Variants in CNTNAP2 observed in about 807,000 individuals in gnomAD.
CNTNAP2 encodes contactin-associated protein-like 2.
Under a neutral mutation model 155.2 loss-of-function variants are expected in CNTNAP2, and 98 were observed. That is an observed-to-expected ratio of 0.63 (90% CI 0.54 to 0.75). The LOEUF (loss-of-function observed/expected upper bound fraction) is 0.75, where lower values mean the gene tolerates loss of function less well. Ranked by LOEUF, CNTNAP2 falls within the 30% of genes least tolerant of loss-of-function variation. CNTNAP2 has a pLI of 0.00. For missense variants in CNTNAP2, 1,727 were observed against 1,688.1 expected, an observed-to-expected ratio of 1.02 and a Z score of -0.40; for synonymous variants, 651 against 631.2, an observed-to-expected ratio of 1.03 and a Z score of -0.47.
chr7:146,165,088 C>T (rs748654871), intron 1 of CNTNAP2, among the ~76,000 whole-genome samples: 10 of 152,122 alleles, frequency 6.6e-5, no homozygotes, highest in Non-Finnish European at 1.5e-4. Context: ...TATCTTTAAA[C>T]GTCCAAGCTG....
chr7:147,840,707 G>T (rs538843229), intron 13 of CNTNAP2, among the ~76,000 whole-genome samples: 14 of 152,138 alleles, frequency 9.2e-5, no homozygotes, highest in Middle Eastern at 3.2e-3. Flanking sequence ...TGAAAGAATT[G>T]AATGTAATCC....
chr7:148,072,770 C>A (rs1412147409), intron 15 of CNTNAP2, among the ~76,000 whole-genome samples: 2 of 152,154 alleles, frequency 1.3e-5, no homozygotes, highest in Non-Finnish European at 2.9e-5. Flanking sequence ...TGCAGTAGTG[C>A]GATCTTGGCT....
At chr7:146,388,610 C>A (rs1214799576) in intron 1 of CNTNAP2, among the ~76,000 whole-genome samples, 1 of 152,008 alleles carries the variant, frequency 6.6e-6, no homozygotes, top group Non-Finnish European at 1.5e-5. Context: ...TACAAACAAC[C>A]CAATCACACT....
chr7:146,670,969 C>T (rs1392035472), intron 1 of CNTNAP2, among the ~76,000 whole-genome samples: 1 of 152,156 alleles, frequency 6.6e-6, no homozygotes, highest in African/African-American at 2.4e-5. Context: ...CACCTGTTCA[C>T]TTCAATAGTG....
rs79689672 is a variant in CNTNAP2 at position 146,953,724 on chromosome 7, A to G, written c.403-90183A>G. ...ATTCATCTTTTTATTCCCCATTTCT[A>G]GTAGAGTACCTGAGACAAAGCTAGC... is the stretch of plus-strand genomic sequence containing the variant. On this transcript the variant is annotated intron_variant, in intron 3 of 23. Transcript: ENST00000361727. Among the ~76,000 whole-genome samples the G allele has an allele frequency of 2.2e-3, 329 of 152,066 alleles. 10 individuals carry two copies. The East Asian group carries it at 0.055, about 25-fold the overall frequency.
chr7:147,626,750 G>T (rs746649155), intron 12 of CNTNAP2, among the ~76,000 whole-genome samples: 6 of 152,144 alleles, frequency 3.9e-5, no homozygotes, highest in Non-Finnish European at 8.8e-5. Flanking sequence ...GAATAACCCT[G>T]ATCCCAGGAA....
chr7:147,154,595 G>C (rs1801887727), intron 8 of CNTNAP2, among the ~76,000 whole-genome samples: 1 of 152,056 alleles, frequency 6.6e-6, no homozygotes, highest in African/African-American at 2.4e-5. Context: ...AAAAATGACA[G>C]TCTGTCCTAT....
intron 13 of CNTNAP2, among the ~76,000 whole-genome samples, chr7:147,689,227 G>A (rs1796056183): frequency 6.7e-6 from 1 of 149,756 alleles, no homozygotes; most frequent in African/African-American, 2.5e-5. Flanking sequence ...TCAGCTCACT[G>A]CAAGCTCCAC....
At chr7:147,698,025 C>T (rs1345826262) in intron 13 of CNTNAP2, among the ~76,000 whole-genome samples, 1 of 152,088 alleles carries the variant, frequency 6.6e-6, no homozygotes, top group Non-Finnish European at 1.5e-5. Context: ...TTAGGGTTTC[C>T]TACCCTGGTA....
intron 1 of CNTNAP2, among the ~76,000 whole-genome samples, chr7:146,435,940 A>G (rs1796237134): frequency 6.6e-6 from 1 of 152,160 alleles, no homozygotes; most frequent in African/African-American, 2.4e-5. Flanking sequence ...GGTAAATGAT[A>G]TGCCAAGATT....
chr7:146,324,418 G>A (rs559108482), intron 1 of CNTNAP2, among the ~76,000 whole-genome samples: 1 of 152,252 alleles, frequency 6.6e-6, no homozygotes, highest in South Asian at 2.1e-4. Context: ...CATCATCGGT[G>A]GTAGTTTTGC....
At chr7:147,076,202 G>A (rs184505471) in intron 4 of CNTNAP2, among the ~76,000 whole-genome samples, 360 of 152,244 alleles carry the variant, frequency 2.4e-3, no homozygotes, top group Non-Finnish European at 3.9e-3. Flanking sequence ...TTGAGGAATC[G>A]CCACACTGTC....
At chr7:148,281,805 G>A (rs1278451180) in intron 21 of CNTNAP2, among the ~76,000 whole-genome samples, 1 of 151,420 alleles carries the variant, frequency 6.6e-6, no homozygotes, top group Non-Finnish European at 1.5e-5. Flanking sequence ...ATGAAGCCAA[G>A]GTCACATAGC....
intron 1 of CNTNAP2, among the ~76,000 whole-genome samples, chr7:146,484,389 A>C (rs1797024526): frequency 7.2e-5 from 11 of 152,216 alleles, no homozygotes; most frequent in Admixed American, 7.2e-4. Flanking sequence ...AAAAGTCTGA[A>C]TGCTGTCTAA....
intron 1 of CNTNAP2, among the ~76,000 whole-genome samples, chr7:146,200,199 A>C (rs996892302): frequency 2.0e-5 from 3 of 152,176 alleles, no homozygotes; most frequent in Non-Finnish European, 1.5e-5. Context: ...GGATGGTCTC[A>C]TAAAATTATA....
chr7:147,287,664 C>T (rs979610105), intron 8 of CNTNAP2, among the ~76,000 whole-genome samples: 1 of 152,038 alleles, frequency 6.6e-6, no homozygotes, highest in Non-Finnish European at 1.5e-5. Flanking sequence ...TTCTTGAGCT[C>T]CAGACCCAAA....
intron 1 of CNTNAP2, among the ~76,000 whole-genome samples, chr7:146,646,930 T>G (rs1000811554): frequency 2.0e-5 from 3 of 152,046 alleles, no homozygotes; most frequent in African/African-American, 7.2e-5. Flanking sequence ...CAGGACAAAT[T>G]ATAAAGAAAA....
intron 3 of CNTNAP2, among the ~76,000 whole-genome samples, chr7:146,998,652 G>T (rs1798356853): frequency 6.6e-6 from 1 of 151,906 alleles, no homozygotes; most frequent in Non-Finnish European, 1.5e-5. Context: ...TACTCTTAGT[G>T]TATTTCAGCC....
intron 1 of CNTNAP2, among the ~76,000 whole-genome samples, chr7:146,301,474 A>C (rs1286001627): frequency 6.6e-6 from 1 of 151,870 alleles, no homozygotes; most frequent in Non-Finnish European, 1.5e-5. Flanking sequence ...AATACAAAAA[A>C]AATTAGCCAA....
Sources: allele counts gnomAD v4.1 joint callset (sites outside exome capture counted in the v4.1 genomes callset), GRCh38; gene constraint gnomAD v4.1.1; transcripts MANE v1.5; gene names NCBI Gene and HGNC (gene_info 2026-07-23, HGNC 2026-07-21).